The following NAALADL2 variants were observed in gnomAD, a reference collection of about 807,000 sequenced individuals.
The protein encoded by NAALADL2 is inactive N-acetylated-alpha-linked acidic dipeptidase-like protein 2.
A neutral mutation model predicts 87.2 loss-of-function variants in NAALADL2; 76 were observed. The ratio of observed to expected loss-of-function variants is 0.87; its 90% CI spans 0.72 to 1.05. The LOEUF (loss-of-function observed/expected upper bound fraction) is 1.05. NAALADL2 is among the 50% of genes least tolerant of loss of function. The pLI, the probability that NAALADL2 is intolerant of heterozygous loss-of-function variation, is 0.00. For synonymous variants in NAALADL2, 354 were observed against 331.0 expected, an observed-to-expected ratio of 1.07 and a Z score of -0.75; for missense variants, 1,089 against 945.8, an observed-to-expected ratio of 1.15 and a Z score of -1.99.
intron 2 of NAALADL2, among the ~76,000 whole-genome samples, chr3:174,588,611 T>C (rs974674307): frequency 6.6e-6 from 1 of 152,228 alleles, no homozygotes; most frequent in Non-Finnish European, 1.5e-5. Flanking sequence ...GACCCTCAGC[T>C]GCAGGTCTGT....
At chr3:174,909,008 GA>G (rs112001916) in intron 1 of NAALADL2, among the ~76,000 whole-genome samples, 8,460 of 139,442 alleles carry the variant, frequency 0.061, 752 homozygotes, top group African/African-American at 0.2. Context: ...ATCATACTCA[GA>G]AAAAAAAAAA....
At chr3:175,449,394 C>CTTCTTTTTT (rs1212551637) in intron 6 of NAALADL2, among the ~76,000 whole-genome samples, 5 of 48,536 alleles carry the variant, frequency 1.0e-4, no homozygotes, top group African/African-American at 2.8e-4. Flanking sequence ...TAATTTTCTT[C>CTTCTTTTTT]TTTTTTTTTT....
chr3:174,602,295 C>T (rs1578274746), intron 2 of NAALADL2, among the ~76,000 whole-genome samples: 1 of 152,074 alleles, frequency 6.6e-6, no homozygotes, highest in Admixed American at 6.5e-5. Context: ...TCTTCAATTT[C>T]TTTCATCAGT....
intron 13 of NAALADL2, chr3:175,775,003 T>C (rs1476298569): frequency 2.0e-5 from 3 of 151,966 alleles, no homozygotes; most frequent in East Asian, 1.9e-4. Context: ...ATTTTTCTTA[T>C]AGATGATATA....
At chr3:174,669,023 T>C (rs574513253) in intron 2 of NAALADL2, among the ~76,000 whole-genome samples, 1 of 152,294 alleles carries the variant, frequency 6.6e-6, no homozygotes, top group Non-Finnish European at 1.5e-5. Flanking sequence ...TGAACTAGTT[T>C]ATAGTCCCAC....
chr3:175,461,845 C>G (rs1265579468), intron 6 of NAALADL2, among the ~76,000 whole-genome samples: 1 of 151,960 alleles, frequency 6.6e-6, no homozygotes, highest in African/African-American at 2.4e-5. Context: ...ACAATCAAAA[C>G]AAACAAACAT....
At chr3:175,448,708 G>A (rs937776099) in intron 6 of NAALADL2, among the ~76,000 whole-genome samples, 8 of 152,052 alleles carry the variant, frequency 5.3e-5, no homozygotes, top group African/African-American at 1.9e-4. Context: ...TGTGTTATAT[G>A]TTATGTTATA....
chr3:174,776,410 A>T (rs141819375), intron 3 of NAALADL2, among the ~76,000 whole-genome samples: 1 of 152,068 alleles, frequency 6.6e-6, no homozygotes, highest in South Asian at 2.1e-4. Flanking sequence ...CAGACTCACA[A>T]TTCTGTAAAC....
At position 175,593,183 on chromosome 3, in the gene NAALADL2, C is replaced by A. The variant is rs550059032; in HGVS notation, c.1800+16996C>A. ...CCTCCCACTGCCCCCTCAAAAGCCC[C>A]CAGTATGTGTTGCTCCCCTCCCTGT... is the stretch of plus-strand genomic sequence containing the variant. On this transcript the variant is annotated intron_variant, in intron 10 of 13. Transcript: ENST00000454872. Among the ~76,000 whole-genome samples, 244 of 152,080 alleles carry A rather than the reference C, an allele frequency of 1.6e-3. 1 individual carries two copies. The highest frequency in any genetic ancestry group is 5.6e-3 in the African/African-American group (234 of 41,472).
At chr3:175,771,662 C>T (rs1484757720) in intron 13 of NAALADL2, among the ~76,000 whole-genome samples, 1 of 152,136 alleles carries the variant, frequency 6.6e-6, no homozygotes, top group African/African-American at 2.4e-5. Context: ...TGTTTAATCT[C>T]TCCCCATCTC....
Position 174,638,947 on chromosome 3 carries a change from C to T in NAALADL2, c.-115+88310C>T, listed in dbSNP as rs192792627. Among the ~76,000 whole-genome samples the T allele has an allele frequency of 3.1e-3, 467 of 152,252 alleles. 1 individual carries two copies. The highest frequency in any genetic ancestry group is 4.7e-3 in the Non-Finnish European group (320 of 68,016). ...TCAAATATCTATTTTGCTGTCTGCT[C>T]CAACACAAGCATGTCTTTCTAGATG... On this transcript the variant is annotated intron_variant, in intron 2 of 3. Coordinates refer to the NAALADL2 transcript ENST00000434257.
At chr3:174,715,257 A>G (rs1731075149) in intron 2 of NAALADL2, among the ~76,000 whole-genome samples, 1 of 152,200 alleles carries the variant, frequency 6.6e-6, no homozygotes, top group South Asian at 2.1e-4. Flanking sequence ...ATCTAGGCAC[A>G]TATTTTACAA....
chr3:175,769,850 G>A (rs1483996863), intron 13 of NAALADL2, among the ~76,000 whole-genome samples: 1 of 152,108 alleles, frequency 6.6e-6, no homozygotes, highest in East Asian at 1.9e-4. Flanking sequence ...GACAGCTCAG[G>A]GAAGAGTTGA....
chr3:174,467,342 C>G (rs952202571), intron 1 of NAALADL2, among the ~76,000 whole-genome samples: 1 of 152,080 alleles, frequency 6.6e-6, no homozygotes, highest in African/African-American at 2.4e-5. Context: ...CGCCTGTAAT[C>G]CCAACACTCT....
intron 1 of NAALADL2, among the ~76,000 whole-genome samples, chr3:175,046,800 G>T (rs76775415): frequency 0.016 from 2,374 of 152,246 alleles, 35 homozygotes; most frequent in African/African-American, 0.041. Context: ...CTCTGTGATA[G>T]CTCTGAAAAC....
At chr3:175,734,687 G>A (rs368121461) in intron 11 of NAALADL2, among the ~76,000 whole-genome samples, 7 of 152,200 alleles carry the variant, frequency 4.6e-5, no homozygotes, top group African/African-American at 1.2e-4. Flanking sequence ...GCAGCAGCCT[G>A]TGTTGTTCCT....
At chr3:175,631,257 C>T (rs1206551273) in intron 11 of NAALADL2, among the ~76,000 whole-genome samples, 6 of 151,390 alleles carry the variant, frequency 4.0e-5, no homozygotes, top group African/African-American at 2.4e-5. Context: ...TTTATTTTAT[C>T]GTTTGTATAA....
chr3:174,974,946 G>A (rs755221096), intron 1 of NAALADL2, among the ~76,000 whole-genome samples: 38 of 152,076 alleles, frequency 2.5e-4, no homozygotes, highest in Non-Finnish European at 4.9e-4. Flanking sequence ...TTTCAAAAAA[G>A]ACTATTTTTG....
intron 1 of NAALADL2, among the ~76,000 whole-genome samples, chr3:174,530,486 G>A (rs8179920): frequency 0.69 from 104,247 of 152,078 alleles, 35,966 homozygotes; most frequent in East Asian, 0.87. Context: ...ACCCCACTCT[G>A]CTAGTACGAA....
Sources: allele counts gnomAD v4.1 joint callset (sites outside exome capture counted in the v4.1 genomes callset), GRCh38; gene constraint gnomAD v4.1.1; transcripts MANE v1.5; gene names NCBI Gene and HGNC (gene_info 2026-07-23, HGNC 2026-07-21).